The following MGST1 variants were observed in gnomAD, a reference collection of about 807,000 sequenced individuals.
The protein encoded by MGST1 is microsomal glutathione S-transferase 1.
Under a neutral mutation model 8.9 loss-of-function variants are expected in MGST1, and 5 were observed. That is an observed-to-expected ratio of 0.56 (90% CI 0.29 to 1.19). The LOEUF (loss-of-function observed/expected upper bound fraction) is 1.19. MGST1 is among the 50% of genes most tolerant of loss of function. The pLI is 0.08. For synonymous variants in MGST1, 54 were observed against 67.8 expected, an observed-to-expected ratio of 0.80 and a Z score of 1.00; for missense variants, 182 against 187.4, an observed-to-expected ratio of 0.97 and a Z score of 0.17.
intron 1 of MGST1, among the ~76,000 whole-genome samples, chr12:16,421,157 G>A (rs953654925): frequency 8.5e-5 from 13 of 152,070 alleles, no homozygotes; most frequent in African/African-American, 2.9e-4. Flanking sequence ...TACTATACCC[G>A]TGGCTGCTGC....
chr12:16,419,968 G>A (rs1237818781), intron 1 of MGST1, among the ~76,000 whole-genome samples: 1 of 152,196 alleles, frequency 6.6e-6, no homozygotes, highest in African/African-American at 2.4e-5. Flanking sequence ...AGGCTGACTA[G>A]AGGGATTCTG....
chr12:16,502,535 A>T (rs1941511051), intron 4 of MGST1, among the ~76,000 whole-genome samples: 1 of 152,212 alleles, frequency 6.6e-6, no homozygotes, highest in South Asian at 2.1e-4. Context: ...GTACTTGAAC[A>T]TAGCCCCTAA....
chr12:16,400,094 CTGT>C (rs1392138402), intron 1 of MGST1: 2 of 1,569,634 alleles, frequency 1.3e-6, no homozygotes, highest in African/African-American at 2.7e-5. Flanking sequence ...TTCTAAAAGG[CTGT>C]TTTCAGTTTG....
At position 16,582,057 on chromosome 12, in the gene MGST1, C is replaced by T. The variant is rs1943176802; in HGVS notation, n.483-7471C>T. On this transcript the variant is annotated intron_variant and non_coding_transcript_variant, in intron 4 of 4. Coordinates refer to the MGST1 transcript ENST00000538857. This position sits in a 1 kb window ranked among gnomAD's most constrained non-coding sequence, Gnocchi z 4.1. The stretch of plus-strand genomic sequence containing the variant: ...ATATGAGGGACAATAATGAGTATCC[C>T]TGGCTTTTTCTTGGCTTTAATGGAA... 6.6e-6 allele frequency among the ~76,000 whole-genome samples: 1 copy of T among 152,034 alleles called. No individual in the cohort carries two copies. The highest frequency in any genetic ancestry group is 1.5e-5 in the Non-Finnish European group (1 of 67,992).
At chr12:16,436,966 C>A (rs1428343486) in intron 1 of MGST1, among the ~76,000 whole-genome samples, 1 of 151,940 alleles carries the variant, frequency 6.6e-6, no homozygotes, top group Non-Finnish European at 1.5e-5. Context: ...TTGTGTAATT[C>A]TGGCCATTTA....
chr12:16,378,508 T>G (rs1007342376), downstream of MGST1, among the ~76,000 whole-genome samples: 6 of 151,594 alleles, frequency 4.0e-5, no homozygotes, highest in Admixed American at 3.9e-4. Context: ...TGGTCTATAT[T>G]TCTGTTTTGG....
chr12:16,395,416 CT>C (rs1335259843), intron 1 of MGST1, among the ~76,000 whole-genome samples: 8 of 152,022 alleles, frequency 5.3e-5, no homozygotes, highest in African/African-American at 1.9e-4. Context: ...GATAAGTCTT[CT>C]TTTAAAAAAA....
chr12:16,393,000 T>A (rs1017300796), intron 1 of MGST1, among the ~76,000 whole-genome samples: 1 of 152,164 alleles, frequency 6.6e-6, no homozygotes, highest in Non-Finnish European at 1.5e-5. Flanking sequence ...CCCTTAACCA[T>A]ATATAGAAAA....
chr12:16,515,707 C>T (rs554696860), intron 4 of MGST1, among the ~76,000 whole-genome samples: 2 of 151,958 alleles, frequency 1.3e-5, no homozygotes, highest in South Asian at 4.2e-4. Context: ...CCCTTCTCGG[C>T]AAAGAATAGT....
intron 4 of MGST1, among the ~76,000 whole-genome samples, chr12:16,563,753 C>A (rs1181138771): frequency 2.0e-5 from 3 of 151,958 alleles, no homozygotes; most frequent in Non-Finnish European, 4.4e-5. Flanking sequence ...CTGAGACAGA[C>A]AAAGCATTAT....
chr12:16,408,030 C>CAAAAAAAAAAAAAAAAAAAAAAAA (rs200073692), intron 1 of MGST1, among the ~76,000 whole-genome samples: 3 of 44,100 alleles, frequency 6.8e-5, no homozygotes, highest in East Asian at 4.8e-4. Context: ...GACTCTGTCT[C>CAAAAAAAAAAAAAAAAAAAAAAAA]AAAAAAAAAA....
rs1941228028 is a variant in MGST1 at position 16,462,498 on chromosome 12, T to G, written n.482+78894T>G. Among the ~76,000 whole-genome samples, 3 of 152,088 alleles carry G rather than the reference T, an allele frequency of 2.0e-5. No individual in the cohort carries two copies. The South Asian group carries it at 6.2e-4, about 31-fold the overall frequency. On this transcript the variant is annotated intron_variant and non_coding_transcript_variant, in intron 4 of 4. Transcript: ENST00000538857. Reference sequence around the variant, plus strand: ...CTAAGTCTTTATGAAACCCATCTTTTTAGAATGTATAAATGCATTAATATT... The same window carrying G: ...CTAAGTCTTTATGAAACCCATCTTTGTAGAATGTATAAATGCATTAATATT...
chr12:16,479,549 T>TTTTTTTTTTTTTTTTTTG (rs1941350953), intron 4 of MGST1, among the ~76,000 whole-genome samples: 1 of 148,642 alleles, frequency 6.7e-6, no homozygotes, highest in African/African-American at 2.5e-5. Flanking sequence ...TTTTTTTTTT[T>TTTTTTTTTTTTTTTTTTG]TTGAGACAGG....
At position 16,410,428 on chromosome 12, in the gene MGST1, G is replaced by A. The variant is rs1019539614; in HGVS notation, n.778+26824G>A. ...CTCACCCGAATTGCTGCAATAGCCCGTCTGTGTTTTCTAAATCTGCAAATA... is the reference window on the plus strand; with the variant it reads ...CTCACCCGAATTGCTGCAATAGCCCATCTGTGTTTTCTAAATCTGCAAATA... On this transcript the variant is annotated intron_variant and non_coding_transcript_variant, in intron 1 of 1. Coordinates refer to the MGST1 transcript ENST00000359720. This position sits in a 1 kb window ranked among gnomAD's most constrained non-coding sequence, Gnocchi z 4.4. Among the ~76,000 whole-genome samples the A allele has an allele frequency of 2.0e-4, 30 of 151,748 alleles. No individual in the cohort carries two copies. The highest frequency in any genetic ancestry group is 5.3e-4 in the Admixed American group (8 of 15,206).
intron 4 of MGST1, among the ~76,000 whole-genome samples, chr12:16,556,473 A>G (rs1028944602): frequency 7.2e-5 from 11 of 152,244 alleles, no homozygotes; most frequent in African/African-American, 2.7e-4. Context: ...TTTTTAAAAC[A>G]TTCAGAAATG....
chr12:16,392,188 C>A (rs940749336), intron 1 of MGST1, among the ~76,000 whole-genome samples: 1 of 152,144 alleles, frequency 6.6e-6, no homozygotes, highest in Non-Finnish European at 1.5e-5. Flanking sequence ...AAGCTTCCAG[C>A]TTTGAAGAGC....
intron 1 of MGST1, among the ~76,000 whole-genome samples, chr12:16,415,300 G>GGGTA (rs1368525499): frequency 6.6e-6 from 1 of 152,092 alleles, no homozygotes; most frequent in African/African-American, 2.4e-5. Context: ...TAGGGAGGAG[G>GGGTA]GGTACATTGT....
chr12:16,368,902 C>T (rs893514993), downstream of MGST1, among the ~76,000 whole-genome samples: 3 of 152,042 alleles, frequency 2.0e-5, no homozygotes, highest in Admixed American at 6.6e-5. Flanking sequence ...TGATATACCA[C>T]GAAGAGATCT....
At chr12:16,545,209 A>G (rs962049663) in intron 4 of MGST1, among the ~76,000 whole-genome samples, 1 of 152,086 alleles carries the variant, frequency 6.6e-6, no homozygotes, top group African/African-American at 2.4e-5. Flanking sequence ...GATTTATTAA[A>G]TTTACAAGTT....
Sources: gnomAD v4.1 joint callset for allele counts (sites outside exome capture counted in the v4.1 genomes callset) on GRCh38, gnomAD v4.1.1 for gene constraint, Gnocchi (gnomAD v3.1) non-coding constraint, MANE v1.5 for transcripts, NCBI Gene and HGNC (gene_info 2026-07-23, HGNC 2026-07-21) for gene names.